SLC9A9: variants seen among roughly 807,000 people sequenced by gnomAD.
The protein encoded by SLC9A9 is sodium/hydrogen exchanger 9.
A neutral mutation model predicts 77.8 loss-of-function variants in SLC9A9; 62 were observed. That is an observed-to-expected ratio of 0.80 (90% CI 0.65 to 0.98). The LOEUF (loss-of-function observed/expected upper bound fraction) is 0.98. Among genes scored for constraint, SLC9A9 ranks in the 50% least tolerant of loss-of-function variants. The pLI is 0.00. For synonymous variants in SLC9A9, 320 were observed against 283.5 expected (o/e 1.13, Z -1.29); for missense variants, 775 against 774.9 (o/e 1.00, Z 0.00).
Position 143,495,346 on chromosome 3 carries a change from G to A in SLC9A9, c.1192C>T (p.Leu398Phe). 6.2e-7 allele frequency: 1 copy of A among 1,611,978 alleles called. No homozygotes were observed. Among genetic ancestry groups the A allele is most frequent in the Non-Finnish European group, 8.5e-7 (1 of 1,178,060 alleles). ...ATTTCAAAGGATACAAAGGCTCCAA[G>A]TATAAAAAGAGCATTAAAGATATGA... ...QNHIFNALFI[L>F]GAFLAIFVAR... is the part of the protein sequence containing the mutation. The change falls in exon 10 of 16, where the codon CTT becomes TTT. Residue 398 changes from leucine (L) to phenylalanine (F), a missense_variant. Coordinates refer to ENST00000316549, the MANE Select transcript of SLC9A9 (RefSeq NM_173653.4).
chr3:143,710,275 G>T (rs961270089), intron 4 of SLC9A9, among the ~76,000 whole-genome samples: 1 of 152,144 alleles, frequency 6.6e-6, no homozygotes, highest in Non-Finnish European at 1.5e-5. Context: ...AATTCAGCCA[G>T]GCAAAAGCAG....
At chr3:143,273,512 C>T (rs1232524864) in intron 14 of SLC9A9, among the ~76,000 whole-genome samples, 1 of 152,224 alleles carries the variant, frequency 6.6e-6, no homozygotes, top group African/African-American at 2.4e-5. Flanking sequence ...GAAGACAGCC[C>T]TCACCAAGAC....
intron 6 of SLC9A9, among the ~76,000 whole-genome samples, chr3:143,629,091 G>T (rs2108725310): frequency 6.6e-6 from 1 of 152,160 alleles, no homozygotes; most frequent in East Asian, 1.9e-4. Flanking sequence ...TACTTTTGTG[G>T]TGACATCATC....
At chr3:143,667,786 A>C (rs1277576480) in intron 5 of SLC9A9, among the ~76,000 whole-genome samples, 1 of 152,178 alleles carries the variant, frequency 6.6e-6, no homozygotes, top group African/African-American at 2.4e-5. Context: ...CAATGAGAGA[A>C]CATCTCATGC....
At chr3:143,645,279 T>C (rs1261434113) in intron 6 of SLC9A9, among the ~76,000 whole-genome samples, 1 of 152,192 alleles carries the variant, frequency 6.6e-6, no homozygotes, top group African/African-American at 2.4e-5. Flanking sequence ...AAGATGACGT[T>C]ACCAAGAGAA....
intron 11 of SLC9A9, among the ~76,000 whole-genome samples, chr3:143,492,474 G>A (rs559361321): frequency 2.0e-5 from 3 of 152,132 alleles, no homozygotes; most frequent in Admixed American, 2.0e-4. Context: ...TCTCAGCTTG[G>A]GAGCTGCCCC....
At chr3:143,737,612 A>G (rs1934973793) in intron 4 of SLC9A9, among the ~76,000 whole-genome samples, 1 of 152,200 alleles carries the variant, frequency 6.6e-6, no homozygotes, top group South Asian at 2.1e-4. Flanking sequence ...TTGTATAGAA[A>G]ACATATTTTC....
intron 14 of SLC9A9, among the ~76,000 whole-genome samples, chr3:143,307,799 C>T (rs926604094): frequency 6.6e-6 from 1 of 152,174 alleles, no homozygotes; most frequent in African/African-American, 2.4e-5. Context: ...ACATGCAACC[C>T]ACTAGATACA....
intron 14 of SLC9A9, among the ~76,000 whole-genome samples, chr3:143,362,402 CT>C (rs2032777408): frequency 6.6e-6 from 1 of 152,088 alleles, no homozygotes; most frequent in South Asian, 2.1e-4. Flanking sequence ...TTTACTTTTG[CT>C]TATCTCTGCA....
chr3:143,794,900 G>T, intron 4 of SLC9A9, 101 bp downstream of exon 4: 1 of 1,105,016 alleles, frequency 9.0e-7, no homozygotes, highest in South Asian at 1.3e-5. Context: ...CTAAAAAAAA[G>T]ACAATTTTCC....
In SLC9A9 at chr3:143,671,051, A is replaced by G. The variant is rs2039147262; in HGVS notation, c.650-18691T>C. 2.0e-5 allele frequency among the ~76,000 whole-genome samples: 3 copies of G among 152,150 alleles called. No homozygotes were observed. In the South Asian group the frequency reaches 6.2e-4, roughly 32 times the overall value. ...TGCCACTTACGAGCCTTGTAAATGTACCACTTAAGTTTTTAGAACCTCTGT... is the reference window on the plus strand; with the variant it reads ...TGCCACTTACGAGCCTTGTAAATGTGCCACTTAAGTTTTTAGAACCTCTGT... On this transcript the variant is annotated intron_variant, in intron 5 of 15. Coordinates refer to ENST00000316549, the MANE Select transcript of SLC9A9 (RefSeq NM_173653.4).
chr3:143,404,784 C>T (rs1474373698), intron 12 of SLC9A9, among the ~76,000 whole-genome samples: 2 of 152,182 alleles, frequency 1.3e-5, no homozygotes, highest in Non-Finnish European at 2.9e-5. Context: ...TATTTAATGG[C>T]TTGCCTAGAC....
chr3:143,340,136 C>T (rs1166339368), intron 14 of SLC9A9, among the ~76,000 whole-genome samples: 1 of 152,184 alleles, frequency 6.6e-6, no homozygotes, highest in African/African-American at 2.4e-5. Flanking sequence ...CCTGAGCACC[C>T]TGTGCTTTGT....
In SLC9A9 at chr3:143,469,158, T is replaced by TCAAA. The variant is rs140705518; in HGVS notation, c.1316-1972_1316-1969dup. On this transcript the variant is annotated intron_variant, in intron 11 of 15. Transcript: ENST00000316549. ...CTGCATGACAGAGTGAGACTTCATC[T>TCAAA]CAAACAAACAAACAAACAAACAAAA... Among the ~76,000 whole-genome samples, 708 of 152,054 alleles carry TCAAA rather than the reference T, an allele frequency of 4.7e-3. 7 individuals carry two copies. The highest frequency in any genetic ancestry group is 0.019 in the East Asian group (98 of 5,168).
chr3:143,287,923 G>T (rs1051277915), intron 14 of SLC9A9, among the ~76,000 whole-genome samples: 1 of 152,096 alleles, frequency 6.6e-6, no homozygotes, highest in Non-Finnish European at 1.5e-5. Flanking sequence ...AACTAGGATG[G>T]TATTCTCCAG....
chr3:143,345,630 TTGGGTAGTA>T (rs1286334917), intron 14 of SLC9A9, among the ~76,000 whole-genome samples: 1 of 152,008 alleles, frequency 6.6e-6, no homozygotes, highest in African/African-American at 2.4e-5. Flanking sequence ...AGCAGGATAG[TTGGGTAGTA>T]TGGGTCTATC....
intron 6 of SLC9A9, among the ~76,000 whole-genome samples, chr3:143,608,483 T>C (rs971744919): frequency 6.6e-6 from 1 of 152,156 alleles, no homozygotes; most frequent in African/African-American, 2.4e-5. Flanking sequence ...CACACCAGGA[T>C]AGTGAAGCAG....
intron 8 of SLC9A9, among the ~76,000 whole-genome samples, chr3:143,570,264 G>A (rs528270177): frequency 6.6e-6 from 1 of 152,170 alleles, no homozygotes; most frequent in Admixed American, 6.5e-5. Context: ...AATTAAAAAA[G>A]CTTCTCCTTC....
chr3:143,619,291 A>G (rs1383343163), intron 6 of SLC9A9, among the ~76,000 whole-genome samples: 3 of 152,246 alleles, frequency 2.0e-5, no homozygotes, highest in African/African-American at 7.2e-5. Context: ...CTTGTCATAA[A>G]TGTTCTAAGC....
Sources: gnomAD v4.1 joint callset for allele counts (sites outside exome capture counted in the v4.1 genomes callset) on GRCh38, gnomAD v4.1.1 for gene constraint, MANE v1.5 for transcripts, NCBI Gene and HGNC (gene_info 2026-07-23, HGNC 2026-07-21) for gene names.